CTNNA3: variants seen among roughly 807,000 people sequenced by gnomAD.
The protein encoded by CTNNA3 is catenin alpha-3.
CTNNA3 carries 76 observed loss-of-function variants against 95.7 expected under a neutral mutation model. That is an observed-to-expected ratio of 0.79 (90% CI 0.66 to 0.96). The LOEUF (loss-of-function observed/expected upper bound fraction) is 0.96, where lower values mean the gene tolerates loss of function less well. Among genes scored for constraint, CTNNA3 ranks in the 40% least tolerant of loss-of-function variants. CTNNA3 has a pLI of 0.00. For missense variants in CTNNA3, 1,191 were observed against 1,089.8 expected (o/e 1.09, Z -1.31); for synonymous variants, 431 against 374.4 (o/e 1.15, Z -1.74).
chr10:66,866,306 T>C (rs1017968753), intron 7 of CTNNA3, among the ~76,000 whole-genome samples: 2 of 152,222 alleles, frequency 1.3e-5, no homozygotes, highest in South Asian at 2.1e-4. Flanking sequence ...TTTTGTTTTT[T>C]ATCTTCTTCC....
intron 7 of CTNNA3, among the ~76,000 whole-genome samples, chr10:66,798,962 T>C (rs936240776): frequency 2.0e-5 from 3 of 151,680 alleles, no homozygotes; most frequent in Non-Finnish European, 4.4e-5. Context: ...CAAAGTAATA[T>C]ATATGTACTG....
At chr10:67,078,294 G>T (rs1281999801) in intron 7 of CTNNA3, among the ~76,000 whole-genome samples, 1 of 152,100 alleles carries the variant, frequency 6.6e-6, no homozygotes, top group Non-Finnish European at 1.5e-5. Flanking sequence ...TACCACTATA[G>T]TGCCTACTAA....
At chr10:66,934,767 C>T (rs1030809969) in intron 7 of CTNNA3, among the ~76,000 whole-genome samples, 7 of 152,030 alleles carry the variant, frequency 4.6e-5, no homozygotes, top group Non-Finnish European at 1.0e-4. Context: ...GTTTTTTTGG[C>T]CTGGCATATA....
At chr10:67,052,817 T>C (rs986441739) in intron 7 of CTNNA3, 6 of 152,136 alleles carry the variant, frequency 3.9e-5, no homozygotes, top group Admixed American at 3.3e-4. Context: ...GTTTTATTGA[T>C]TCTGCTGAAT....
At chr10:67,454,573 G>C (rs80326311) in intron 5 of CTNNA3, among the ~76,000 whole-genome samples, 1 of 152,026 alleles carries the variant, frequency 6.6e-6, no homozygotes, top group Non-Finnish European at 1.5e-5. Context: ...TGCTGGCCTC[G>C]CATCAAAAGT....
At chr10:67,514,714 T>C (rs1284544446) in intron 5 of CTNNA3, among the ~76,000 whole-genome samples, 1 of 143,828 alleles carries the variant, frequency 7.0e-6, no homozygotes, top group African/African-American at 2.9e-5. Flanking sequence ...TTGTTTTGTT[T>C]TTGTTGTTTT....
At chr10:67,200,331 A>C (rs1310558388) in intron 6 of CTNNA3, among the ~76,000 whole-genome samples, 2 of 152,196 alleles carry the variant, frequency 1.3e-5, no homozygotes, top group African/African-American at 4.8e-5. Context: ...AGAAATTCTT[A>C]CTATTGATAA....
intron 5 of CTNNA3, among the ~76,000 whole-genome samples, chr10:67,427,994 A>G (rs923671448): frequency 2.0e-5 from 3 of 152,192 alleles, no homozygotes; most frequent in East Asian, 1.9e-4. Flanking sequence ...TTTTCCCATG[A>G]AAAGTCTTCT....
intron 5 of CTNNA3, among the ~76,000 whole-genome samples, chr10:67,501,485 A>G (rs1012920365): frequency 6.6e-6 from 1 of 152,096 alleles, no homozygotes; most frequent in Non-Finnish European, 1.5e-5. Context: ...TGTTCTCTGT[A>G]TATCCTGAAT....
At chr10:66,021,885 G>A (rs1450382197) in intron 15 of CTNNA3, among the ~76,000 whole-genome samples, 5 of 47,872 alleles carry the variant, frequency 1.0e-4, no homozygotes, top group African/African-American at 2.1e-4. Context: ...ATAGGGTCTC[G>A]CCCTGTCACC....
chr10:67,424,638 C>G (rs1845853111), intron 5 of CTNNA3, among the ~76,000 whole-genome samples: 1 of 152,048 alleles, frequency 6.6e-6, no homozygotes, highest in African/African-American at 2.4e-5. Flanking sequence ...CAAACAATTT[C>G]TAACTACTAT....
In CTNNA3 at chr10:67,237,614, C is replaced by A. The variant is rs573476138; in HGVS notation, c.580-17744G>T. 2.6e-5 allele frequency among the ~76,000 whole-genome samples: 4 copies of A among 151,996 alleles called. No individual in the cohort carries two copies. The South Asian group carries it at 8.3e-4, about 32-fold the overall frequency. On this transcript the variant is annotated intron_variant, in intron 5 of 17. Transcript: ENST00000433211. Reference sequence around the variant, plus strand: ...AAAAAAAAGAAGCTATCCCTATGAGCAATGCAGAACAAAAGAGCATGTGGA... The same window carrying A: ...AAAAAAAAGAAGCTATCCCTATGAGAAATGCAGAACAAAAGAGCATGTGGA...
chr10:66,241,557 A>G (rs1047932351), intron 13 of CTNNA3, among the ~76,000 whole-genome samples: 4 of 152,166 alleles, frequency 2.6e-5, no homozygotes, highest in African/African-American at 9.7e-5. Context: ...AGAAATAATC[A>G]AAAGCCATTA....
chr10:67,726,939 CAT>C (rs1161840549), intron 1 of CTNNA3, among the ~76,000 whole-genome samples: 1 of 112,646 alleles, frequency 8.9e-6, no homozygotes, highest in Admixed American at 1.2e-4. Flanking sequence ...TATCATATAT[CAT>C]ATATATTATA....
intron 9 of CTNNA3, among the ~76,000 whole-genome samples, chr10:66,636,483 T>A (rs1845341658): frequency 6.6e-6 from 1 of 151,984 alleles, no homozygotes; most frequent in Non-Finnish European, 1.5e-5. Context: ...TAAGAAGGGA[T>A]CTTGTATACT....
intron 6 of CTNNA3, among the ~76,000 whole-genome samples, chr10:67,192,185 T>G (rs1275799098): frequency 6.6e-6 from 1 of 151,958 alleles, no homozygotes; most frequent in Non-Finnish European, 1.5e-5. Context: ...CAATGTCTTT[T>G]TAGATGACAC....
In CTNNA3 at chr10:66,444,442, C is replaced by T. The variant is rs186691064; in HGVS notation, c.1532-65090G>A. The stretch of plus-strand genomic sequence containing the variant: ...CCAGAGAGAAAGGTTGGGTTACCCA[C>T]AAAGGGAAAGCCATCAGACTAACAG... On this transcript the variant is annotated intron_variant, in intron 11 of 17. Coordinates refer to ENST00000433211, the MANE Select transcript of CTNNA3 (RefSeq NM_013266.4). 4.9e-3 allele frequency among the ~76,000 whole-genome samples: 748 copies of T among 152,172 alleles called. 6 individuals carry two copies. The highest frequency in any genetic ancestry group is 0.012 in the African/African-American group (500 of 41,518).
At chr10:67,233,564 G>T (rs1160881386) in intron 5 of CTNNA3, among the ~76,000 whole-genome samples, 2 of 140,396 alleles carry the variant, frequency 1.4e-5, no homozygotes, top group Non-Finnish European at 3.1e-5. Flanking sequence ...AAGCAGGAAA[G>T]ATCCAAAATT....
intron 11 of CTNNA3, among the ~76,000 whole-genome samples, chr10:66,503,764 G>A (rs1191775870): frequency 2.0e-5 from 3 of 152,006 alleles, no homozygotes; most frequent in African/African-American, 7.2e-5. Flanking sequence ...ATTGCGCCTG[G>A]CCCAGATTTT....
Sources: allele counts gnomAD v4.1 joint callset (sites outside exome capture counted in the v4.1 genomes callset), GRCh38; gene constraint gnomAD v4.1.1; transcripts MANE v1.5; gene names NCBI Gene and HGNC (gene_info 2026-07-23, HGNC 2026-07-21).